The following PNPLA2 variants were observed in gnomAD, a reference collection of about 807,000 sequenced individuals.
The protein encoded by PNPLA2 is patatin like domain 2, triacylglycerol lipase.
In PNPLA2, 28 loss-of-function variants were observed where a neutral mutation model predicts 39.7. The observed-to-expected ratio is 0.70, with a 90% confidence interval of 0.52 to 0.97. PNPLA2 has a LOEUF of 0.97. Among genes scored for constraint, PNPLA2 ranks in the 50% least tolerant of loss-of-function variants. The pLI is 0.00. For missense variants in PNPLA2, 768 were observed against 698.2 expected (o/e 1.10, Z -1.13); for synonymous variants, 392 against 321.1 (o/e 1.22, Z -2.36).
chr11:823,882 G>T, intron 7 of PNPLA2, 27 bp downstream of exon 7: 2 of 1,565,410 alleles, frequency 1.3e-6, no homozygotes, highest in Non-Finnish European at 1.7e-6. Flanking sequence ...CGGGAGGGGA[G>T]GAGGGGAGGC....
intron 1 of PNPLA2, 174 bp from the exon 2 acceptor site, chr11:819,400 T>C (rs1478096372): frequency 2.0e-6 from 2 of 978,134 alleles, no homozygotes; most frequent in Non-Finnish European, 2.4e-6. Flanking sequence ...GGCAGAAGCT[T>C]TCTCCGGGCG....
chr11:819,773 G>T lies in PNPLA2; in HGVS notation c.55G>T (p.Gly19Cys), dbSNP rs866957213. Residue 19 changes from glycine (G) to cysteine (C), a missense_variant, in exon 2 of 10, where the codon GGC (glycine) becomes TGC (cysteine). By Grantham distance (159) the Gly-to-Cys change is radical (BLOSUM62 -3). Transcript: ENST00000336615. ...NISFAGCGFL[G>C]VYYVGVASCL... is the part of the protein sequence containing the mutation. ...CTCGTTCGCGGGCTGCGGCTTCCTCGGCGTCTACTACGTCGGCGTGGCCTC... is the reference window on the plus strand; with the variant it reads ...CTCGTTCGCGGGCTGCGGCTTCCTCTGCGTCTACTACGTCGGCGTGGCCTC... 20 of 1,516,418 alleles carry T rather than the reference G, an allele frequency of 1.3e-5. No individual in the cohort carries two copies. The highest frequency in any genetic ancestry group is 8.8e-6 in the Non-Finnish European group (10 of 1,133,040). The allele number at this position is 1,516,418 out of a possible 1,614,324, so 93.9% of individuals were successfully genotyped here. A position where few individuals can be genotyped will look rare whatever the true frequency, so the allele number is the denominator to read the frequency against.
chr11:823,719 G>A lies in PNPLA2; in HGVS notation c.783G>A (p.Leu261=), dbSNP rs1160479430. Residue 261 remains leucine (L), a synonymous_variant, in exon 7 of 10, where the codon TTG becomes TTA. Coordinates refer to ENST00000336615, the MANE Select transcript of PNPLA2 (RefSeq NM_020376.4). Reference sequence around the variant, plus strand: ...GCCTCCTGAACCGGCCCAACCCCTTGCTGGCGTTGCCCCCCGCCCGCCCCC... The same window carrying A: ...GCCTCCTGAACCGGCCCAACCCCTTACTGGCGTTGCCCCCCGCCCGCCCCC... The part of the protein sequence containing the change: ...RNGLLNRPNP[L]LALPPARPHG... The A allele has an allele frequency of 6.2e-7, 1 of 1,607,722 alleles. No individual in the cohort carries two copies. Among genetic ancestry groups the A allele is most frequent in the South Asian group, 1.1e-5 (1 of 90,240 alleles).
rs1277889005 is a variant in PNPLA2, at chr11:823,731, C to G, written c.795C>G (p.Pro265=). 1 of 1,606,064 alleles carries G rather than the reference C, an allele frequency of 6.2e-7. No homozygotes were observed. The highest frequency in any genetic ancestry group is 1.7e-5 in the Admixed American group (1 of 59,562). The change falls in exon 7 of 10, where the codon CCC becomes CCG. Residue 265 remains proline (P), a synonymous_variant. Transcript: ENST00000336615. The stretch of plus-strand genomic sequence containing the variant: ...GGCCCAACCCCTTGCTGGCGTTGCC[C>G]CCCGCCCGCCCCCACGGCCCAGAGG... ...LNRPNPLLAL[P]PARPHGPEDK...
rs1187411559 is a variant in PNPLA2 at position 825,054 on chromosome 11, C to T, written c.*192C>T. On this transcript the variant is annotated 3_prime_UTR_variant, in exon 10 of 10. Transcript: ENST00000336615. ...GCCGCTGAGGCCCCGCGCACCTGTGCCTTAATCTTCCCTCCCCTGTGCTGC... is the reference window on the plus strand; with the variant it reads ...GCCGCTGAGGCCCCGCGCACCTGTGTCTTAATCTTCCCTCCCCTGTGCTGC... 1 of 632,290 alleles carries T rather than the reference C, an allele frequency of 1.6e-6. No individual in the cohort carries two copies. The highest frequency in any genetic ancestry group is 1.8e-5 in the South Asian group (1 of 55,560). The allele number at this position is 632,290 out of a possible 1,614,324, so 39.2% of individuals were successfully genotyped here.
At chr11:820,794 C>T (rs1845642315) in intron 2 of PNPLA2, 1 of 152,244 alleles carries the variant, frequency 6.6e-6, no homozygotes, top group African/African-American at 2.4e-5. Context: ...GGGAACAGCC[C>T]CCTCCAGCCC....
Position 824,006 on chromosome 11 carries a change from G to C in PNPLA2, c.928G>C (p.Glu310Gln), listed in dbSNP as rs770390075. ...CTCCCGCCCACCCGCAGCCCTGCTG[G>C]AGGCCTGCGTGGAGCCCACGGACCT... ...LPARLNEALLEACVEPTDLLT... is the reference protein window; with the variant it reads ...LPARLNEALLQACVEPTDLLT... Residue 310 changes from glutamate to glutamine, a missense_variant, in exon 8 of 10, where the codon GAG (glutamate) becomes CAG (glutamine). By Grantham distance (29) the Glu-to-Gln change is conservative. Coordinates refer to ENST00000336615, the MANE Select transcript of PNPLA2 (RefSeq NM_020376.4). 7 of 1,607,672 alleles carry C rather than the reference G, an allele frequency of 4.4e-6. No individual in the cohort carries two copies. The East Asian group carries it at 1.6e-4, about 36-fold the overall frequency.
Position 824,943 on chromosome 11 carries a change from A to G in PNPLA2, c.*81A>G, listed in dbSNP as rs1181416551. 1.6e-6 allele frequency: 2 copies of G among 1,214,982 alleles called. No homozygotes were observed. The highest frequency in any genetic ancestry group is 2.6e-5 in the South Asian group (2 of 77,498). The allele number at this position is 1,214,982 out of a possible 1,614,324, so 75.3% of individuals were successfully genotyped here. A position where few individuals can be genotyped will look rare whatever the true frequency, so the allele number is the denominator to read the frequency against. On this transcript the variant is annotated 3_prime_UTR_variant, in exon 10 of 10. Transcript: ENST00000336615. ...TGAGATGAGGGGACTCACAGTTGCC[A>G]AGAGGGGTCTTTGCCGTGGGCCCCC...
chr11:820,109 GCC>G (rs1845619685), intron 2 of PNPLA2, among the ~76,000 whole-genome samples: 3 of 152,028 alleles, frequency 2.0e-5, no homozygotes, highest in Non-Finnish European at 4.4e-5. Context: ...CTCCGAGGGT[GCC>G]CGGGGCCCGC....
intron 5 of PNPLA2, among the ~76,000 whole-genome samples, chr11:823,138 A>G (rs1259103664): frequency 6.6e-6 from 1 of 151,538 alleles, no homozygotes; most frequent in Non-Finnish European, 1.5e-5. Context: ...TCTCACTGCA[A>G]GCTCCACCTC....
At chr11:820,076 G>A (rs1845618514) in intron 2 of PNPLA2, among the ~76,000 whole-genome samples, 171 bp downstream of exon 2, 1 of 152,138 alleles carries the variant, frequency 6.6e-6, no homozygotes, top group Non-Finnish European at 1.5e-5. Flanking sequence ...CGCTGGCCTG[G>A]GGGCGGGGCC....
Position 823,715 on chromosome 11 carries a change from C to G in PNPLA2, c.779C>G (p.Pro260Arg). The change falls in exon 7 of 10, where the codon CCC (proline) becomes CGC (arginine). Residue 260 changes from proline to arginine, a missense_variant. Pro to Arg is a moderately radical substitution (Grantham distance 103). Transcript: ENST00000336615. ...QRNGLLNRPNPLLALPPARPH... is the reference protein window; with the variant it reads ...QRNGLLNRPNRLLALPPARPH... ...CCAGGCCTCCTGAACCGGCCCAACC[C>G]CTTGCTGGCGTTGCCCCCCGCCCGC... The G allele has an allele frequency of 1.9e-6, 3 of 1,608,520 alleles. No individual in the cohort carries two copies. The highest frequency in any genetic ancestry group is 2.5e-6 in the Non-Finnish European group (3 of 1,178,074).
Position 824,528 on chromosome 11 carries a change from C to G in PNPLA2, c.1181C>G (p.Pro394Arg), listed in dbSNP as rs373114735. ...GCCGCATCCCTGCCCCGCAGGCTGCCGGAGCAGGTGGAGCTGCGCCGCGTC... is the reference window on the plus strand; with the variant it reads ...GCCGCATCCCTGCCCCGCAGGCTGCGGGAGCAGGTGGAGCTGCGCCGCGTC... Reference protein sequence around the residue: ...KLGRHLPSRLPEQVELRRVQS... With the variant: ...KLGRHLPSRLREQVELRRVQS... The change falls in exon 10 of 10, where the codon CCG becomes CGG. Residue 394 changes from proline (P) to arginine (R), a missense_variant. Transcript: ENST00000336615. The G allele has an allele frequency of 2.6e-6, 4 of 1,549,452 alleles. No individual in the cohort carries two copies. Among genetic ancestry groups the G allele is most frequent in the African/African-American group, 2.7e-5 (2 of 73,522 alleles).
Position 824,150 on chromosome 11 carries a change from G to A in PNPLA2, c.1052+20G>A, listed in dbSNP as rs747433673. 59 of 1,583,868 alleles carry A rather than the reference G, an allele frequency of 3.7e-5. No individual in the cohort carries two copies. Among genetic ancestry groups the A allele is most frequent in the Middle Eastern group, 1.7e-4 (1 of 5,996 alleles). Reference sequence around the variant, plus strand: ...CATCCGGTGTGAGGGCTGGGGGGTCGGGAGAGGGGCCCAGGGGACGGACTT... The same window carrying A: ...CATCCGGTGTGAGGGCTGGGGGGTCAGGAGAGGGGCCCAGGGGACGGACTT... On this transcript the variant is annotated intron_variant, in intron 8 of 9. Transcript: ENST00000336615.
rs934842280 is a variant in PNPLA2 at position 825,318 on chromosome 11, C to T, written c.*456C>T. On this transcript the variant is annotated 3_prime_UTR_variant, in exon 10 of 10. Coordinates refer to ENST00000336615, the MANE Select transcript of PNPLA2 (RefSeq NM_020376.4). Reference sequence around the variant, plus strand: ...CCTTGGCTGACCAGCCTCTCCACAGCTGCAGGCCAGGTCTCCCAGCGTCGC... The same window carrying T: ...CCTTGGCTGACCAGCCTCTCCACAGTTGCAGGCCAGGTCTCCCAGCGTCGC... The T allele has an allele frequency of 3.8e-6, 1 of 260,282 alleles. No individual in the cohort carries two copies. Among genetic ancestry groups the T allele is most frequent in the South Asian group, 3.7e-5 (1 of 27,396 alleles). The allele number at this position is 260,282 out of a possible 1,614,324, so 16.1% of individuals were successfully genotyped here.
chr11:821,575 G>A, intron 2 of PNPLA2, 53 bp from the exon 3 acceptor site: 2 of 1,242,610 alleles, frequency 1.6e-6, no homozygotes. Flanking sequence ...GAAGGAAGGT[G>A]GGTGTTGCTA....
rs765640246 is a variant in PNPLA2 at position 824,762 on chromosome 11, C to A, written c.1415C>A (p.Ala472Glu). Reference protein sequence around the residue: ...RAPADPAPAPADPASPQHQLA... With the variant: ...RAPADPAPAPEDPASPQHQLA... ...CCCGCCGACCCGGCTCCCGCCCCCG[C>A]GGACCCAGCATCCCCGCAGCACCAG... Residue 472 changes from alanine (A) to glutamate (E), a missense_variant, in exon 10 of 10, where the codon GCG becomes GAG. Ala to Glu is a moderately radical substitution (Grantham distance 107). Coordinates refer to ENST00000336615, the MANE Select transcript of PNPLA2 (RefSeq NM_020376.4). 1.9e-6 allele frequency: 3 copies of A among 1,556,062 alleles called. No homozygotes were observed. The highest frequency in any genetic ancestry group is 1.9e-5 in the Admixed American group (1 of 53,908).
chr11:819,600 C>A lies in PNPLA2; in HGVS notation c.-119C>A. On this transcript the variant is annotated 5_prime_UTR_variant, in exon 2 of 10. Transcript: ENST00000336615. ...TTCTTCGCCTCCGCCAGCGGGGACCCCGAGCTAGAGCCGCAGCGGGACCTG... is the reference window on the plus strand; with the variant it reads ...TTCTTCGCCTCCGCCAGCGGGGACCACGAGCTAGAGCCGCAGCGGGACCTG... 8.6e-6 allele frequency: 11 copies of A among 1,282,842 alleles called. No homozygotes were observed. Among genetic ancestry groups the A allele is most frequent in the Non-Finnish European group, 1.1e-5 (11 of 1,003,062 alleles). The allele number at this position is 1,282,842 out of a possible 1,614,324, so 79.5% of individuals were successfully genotyped here. A position where few individuals can be genotyped will look rare whatever the true frequency, so the allele number is the denominator to read the frequency against.
rs1845683752 is a variant in PNPLA2 at position 822,026 on chromosome 11, G to T, written c.486+3G>T. 3 of 1,613,414 alleles carry T rather than the reference G, an allele frequency of 1.9e-6. No individual in the cohort carries two copies. Among genetic ancestry groups the T allele is most frequent in the Non-Finnish European group, 2.5e-6 (3 of 1,179,612 alleles). ...TCCCTCCCTCCCTCCAGGGGGTGGTGAGTATTCCTAGCCCTGGACACCTTC... is the reference window on the plus strand; with the variant it reads ...TCCCTCCCTCCCTCCAGGGGGTGGTTAGTATTCCTAGCCCTGGACACCTTC... On this transcript the variant is annotated splice_donor_region_variant and intron_variant, in intron 4 of 9. Transcript: ENST00000336615.
Sources: allele counts gnomAD v4.1 joint callset (sites outside exome capture counted in the v4.1 genomes callset), GRCh38; gene constraint gnomAD v4.1.1; transcripts MANE v1.5; gene names NCBI Gene and HGNC (gene_info 2026-07-23, HGNC 2026-07-21).